Variants in APBB1IP observed in about 807,000 individuals in gnomAD.
APBB1IP encodes amyloid beta precursor protein binding family B member 1 interacting protein, also known as amyloid beta A4 precursor protein-binding family B member 1-interacting protein.
Under a neutral mutation model 64.9 loss-of-function variants are expected in APBB1IP, and 27 were observed. That is an observed-to-expected ratio of 0.42 (90% confidence interval 0.31 to 0.57). The LOEUF (loss-of-function observed/expected upper bound fraction) is 0.57. Ranked by LOEUF, APBB1IP falls within the 20% of genes least tolerant of loss-of-function variation. The probability of loss-of-function intolerance (pLI) is 0.20; values close to 1 mark genes in which losing one functional copy is unlikely to be tolerated. For synonymous variants in APBB1IP, 392 were observed against 331.0 expected (o/e 1.18, Z -2.00); for missense variants, 812 against 845.5 (o/e 0.96, Z 0.49).
Position 26,567,073 on chromosome 10 carries a change from G to A in APBB1IP, c.1586G>A (p.Ser529Asn). 1 of 1,485,792 alleles carries A rather than the reference G, an allele frequency of 6.7e-7. No homozygotes were observed. The allele number at this position is 1,485,792 out of a possible 1,614,324, so 92.0% of individuals were successfully genotyped here. A position where few individuals can be genotyped will look rare whatever the true frequency, so the allele number is the denominator to read the frequency against. Residue 529 changes from serine to asparagine, a missense_variant, in exon 15 of 15, where the codon AGC becomes AAC. Coordinates refer to ENST00000376236, the MANE Select transcript of APBB1IP (RefSeq NM_019043.4). ...PPPVRRSSDT[S>N]GSPATPLKAK... ...CCGGTGCGGAGGTCCTCCGACACCA[G>A]CGGCAGTCCCGCCACGCCCCTCAAG...
chr10:26,506,256 G>GGT (rs1554776280), intron 6 of APBB1IP, among the ~76,000 whole-genome samples: 5 of 141,902 alleles, frequency 3.5e-5, no homozygotes, highest in Non-Finnish European at 7.8e-5. Context: ...TGTGTGGGGG[G>GGT]GGGGGGTGGG....
At chr10:26,503,640 C>T (rs1564362859) in intron 6 of APBB1IP, among the ~76,000 whole-genome samples, 1 of 151,288 alleles carries the variant, frequency 6.6e-6, no homozygotes, top group Non-Finnish European at 1.5e-5. Flanking sequence ...ATCTCAAAAA[C>T]AAGAAAAAAA....
intron 14 of APBB1IP, among the ~76,000 whole-genome samples, chr10:26,563,371 A>G (rs1234821429): frequency 6.6e-6 from 1 of 152,166 alleles, no homozygotes; most frequent in African/African-American, 2.4e-5. Flanking sequence ...GAAAAAAGAT[A>G]AAGAAGGGTT....
intron 2 of APBB1IP, among the ~76,000 whole-genome samples, chr10:26,471,270 T>C (rs749453147): frequency 6.6e-6 from 1 of 152,162 alleles, no homozygotes; most frequent in Non-Finnish European, 1.5e-5. Flanking sequence ...TCACAAGAGA[T>C]ACGTGCACAA....
chr10:26,519,745 A>G (rs1044420591), intron 8 of APBB1IP, among the ~76,000 whole-genome samples: 1 of 152,232 alleles, frequency 6.6e-6, no homozygotes, highest in African/African-American at 2.4e-5. Context: ...ATCCAATTTA[A>G]AGACCAAAAT....
intron 8 of APBB1IP, among the ~76,000 whole-genome samples, chr10:26,525,126 T>C (rs1836457428): frequency 6.6e-6 from 1 of 151,256 alleles, no homozygotes; most frequent in Non-Finnish European, 1.5e-5. Context: ...TATAAAAAAA[T>C]TAAAAATTAG....
intron 3 of APBB1IP, among the ~76,000 whole-genome samples, chr10:26,495,975 A>G (rs1227518261): frequency 1.4e-5 from 2 of 143,348 alleles, no homozygotes; most frequent in East Asian, 3.9e-4. Context: ...TAATATATAT[A>G]AATATAATAT....
At chr10:26,536,321 G>T (rs1836623318) in intron 10 of APBB1IP, 104 bp downstream of exon 10, 1 of 1,288,132 alleles carries the variant, frequency 7.8e-7, no homozygotes, top group Admixed American at 2.5e-5. Context: ...TGTTGCTGCA[G>T]ATTCCATAAT....
chr10:26,443,438 A>T (rs1835358021), intron 2 of APBB1IP, among the ~76,000 whole-genome samples: 1 of 131,094 alleles, frequency 7.6e-6, no homozygotes, highest in African/African-American at 2.9e-5. Context: ...CAAGAGCGAA[A>T]CTCCATCTCA....
At chr10:26,459,511 A>G (rs1835566038) in intron 2 of APBB1IP, among the ~76,000 whole-genome samples, 1 of 152,210 alleles carries the variant, frequency 6.6e-6, no homozygotes, top group African/African-American at 2.4e-5. Context: ...AGGAATCACC[A>G]CACTATCTTC....
chr10:26,482,803 G>A (rs575621464), intron 2 of APBB1IP, among the ~76,000 whole-genome samples: 1 of 151,866 alleles, frequency 6.6e-6, no homozygotes, highest in East Asian at 1.9e-4. Context: ...TCAAAACACT[G>A]TAGGGTAAAA....
At position 26,567,238 on chromosome 10, in the gene APBB1IP, C is replaced by T; in HGVS notation, c.1751C>T (p.Pro584Leu). The T allele has an allele frequency of 2.2e-6, 3 of 1,335,550 alleles. No individual in the cohort carries two copies. Among genetic ancestry groups the T allele is most frequent in the Non-Finnish European group, 2.9e-6 (3 of 1,042,964 alleles). 82.7% of individuals were successfully genotyped at this position (1,335,550 alleles called of 1,614,324 possible). The change falls in exon 15 of 15, where the codon CCC becomes CTC. Residue 584 changes from proline (P) to leucine (L), a missense_variant. Transcript: ENST00000376236. ...DFMEPPPDFV[P>L]PPPPSYAGIA... is the part of the protein sequence containing the mutation. ...ATGGAGCCGCCCCCAGACTTCGTGC[C>T]CCCGCCCCCGCCGTCGTACGCAGGG... is the stretch of plus-strand genomic sequence containing the variant.
In APBB1IP at chr10:26,536,023, G is replaced by T. The variant is rs576870141; in HGVS notation, c.901-51G>T. The T allele has an allele frequency of 4.8e-5, 73 of 1,517,814 alleles. 1 individual carries two copies. The South Asian group carries it at 9.5e-4, about 20-fold the overall frequency. 94.0% of individuals were successfully genotyped at this position (1,517,814 alleles called of 1,614,324 possible). A position where few individuals can be genotyped will look rare whatever the true frequency, so the allele number is the denominator to read the frequency against. On this transcript the variant is annotated intron_variant, in intron 9 of 14. Coordinates refer to ENST00000376236, the MANE Select transcript of APBB1IP (RefSeq NM_019043.4). ...TAAGTTTTTAAATGTGAATAAAAAT[G>T]CGTGCTTTATCTTTCGTGTGTGTCT... is the stretch of plus-strand genomic sequence containing the variant.
At position 26,536,292 on chromosome 10, in the gene APBB1IP, G is replaced by C. The variant is rs144235842; in HGVS notation, c.1044+75G>C. 6.6e-5 allele frequency: 96 copies of C among 1,451,768 alleles called. No individual in the cohort carries two copies. In the African/African-American group the frequency reaches 1.1e-3, roughly 17 times the overall value. 89.9% of individuals were successfully genotyped at this position (1,451,768 alleles called of 1,614,324 possible). A position where few individuals can be genotyped will look rare whatever the true frequency, so the allele number is the denominator to read the frequency against. ...ATGAAACTAAAGAAATCCTTAGTTG[G>C]CAAGTTAAATACATTCTCTGTTGCT... is the stretch of plus-strand genomic sequence containing the variant. On this transcript the variant is annotated intron_variant, in intron 10 of 14. Transcript: ENST00000376236.
At chr10:26,524,620 A>G (rs1157079710) in intron 8 of APBB1IP, among the ~76,000 whole-genome samples, 2 of 152,196 alleles carry the variant, frequency 1.3e-5, no homozygotes, top group Non-Finnish European at 2.9e-5. Flanking sequence ...GTTCCCAAAA[A>G]GGCAGGGCAT....
chr10:26,543,357 T>C (rs753086665), intron 11 of APBB1IP, among the ~76,000 whole-genome samples: 1 of 151,252 alleles, frequency 6.6e-6, no homozygotes, highest in African/African-American at 2.4e-5. Flanking sequence ...GTCCCGCTAC[T>C]TGGGGGGCTT....
At chr10:26,562,797 AAAAT>A (rs199563056) in intron 14 of APBB1IP, among the ~76,000 whole-genome samples, 1 of 151,904 alleles carries the variant, frequency 6.6e-6, no homozygotes, top group East Asian at 1.9e-4. Flanking sequence ...ATCCAGTCTT[AAAAT>A]AAATAAATAA....
At chr10:26,488,266 C>T (rs1169670093) in intron 2 of APBB1IP, among the ~76,000 whole-genome samples, 7 of 149,660 alleles carry the variant, frequency 4.7e-5, no homozygotes, top group African/African-American at 1.7e-4. Context: ...GAGAGAGTCT[C>T]GCTGTGTCAC....
chr10:26,528,922 G>A (rs1431187610), intron 8 of APBB1IP, among the ~76,000 whole-genome samples: 3 of 152,230 alleles, frequency 2.0e-5, no homozygotes, highest in Non-Finnish European at 4.4e-5. Flanking sequence ...AGGTGACAGA[G>A]TGAGATATGT....
Sources: allele counts gnomAD v4.1 joint callset (sites outside exome capture counted in the v4.1 genomes callset), GRCh38; gene constraint gnomAD v4.1.1; transcripts MANE v1.5; gene names NCBI Gene and HGNC (gene_info 2026-07-23, HGNC 2026-07-21).